Variants in RREB1 observed in about 807,000 individuals in gnomAD.
The protein encoded by RREB1 is ras-responsive element-binding protein 1.
In RREB1, 27 loss-of-function variants were observed where a neutral mutation model predicts 117.8. The observed-to-expected ratio is 0.23, with a 90% CI of 0.17 to 0.32. The LOEUF (loss-of-function observed/expected upper bound fraction) is 0.32. RREB1 is among the 10% of genes least tolerant of loss of function. RREB1 has a pLI of 1.00. For synonymous variants in RREB1, 1,298 were observed against 1,026.7 expected (o/e 1.26, Z -5.05); for missense variants, 2,577 against 2,378.2 (o/e 1.08, Z -1.74).
intron 1 of RREB1, among the ~76,000 whole-genome samples, chr6:7,109,315 C>T (rs931576938): frequency 1.3e-5 from 2 of 152,008 alleles, no homozygotes; most frequent in African/African-American, 4.8e-5. Context: ...CCTCCCCGCT[C>T]GCGGTCTCTT....
chr6:7,202,254 G>A (rs1227651686), intron 6 of RREB1, among the ~76,000 whole-genome samples: 1 of 152,160 alleles, frequency 6.6e-6, no homozygotes, highest in South Asian at 2.1e-4. Flanking sequence ...TGCATTTCTT[G>A]TTCCTCTTTT....
At chr6:7,239,351 C>A (rs1172974663) in intron 10 of RREB1, among the ~76,000 whole-genome samples, 1 of 152,228 alleles carries the variant, frequency 6.6e-6, no homozygotes, top group Non-Finnish European at 1.5e-5. Flanking sequence ...CAGTGATACA[C>A]AAGTGATGCA....
At chr6:7,216,956 C>A in intron 8 of RREB1, 1 of 152,520 alleles carries the variant, frequency 6.6e-6, no homozygotes, top group Non-Finnish European at 1.5e-5. Context: ...GTCCCTCAGA[C>A]TCTGCCCAGT....
At chr6:7,109,660 C>T (rs1011487795) in intron 1 of RREB1, among the ~76,000 whole-genome samples, 1 of 152,238 alleles carries the variant, frequency 6.6e-6, no homozygotes, top group Non-Finnish European at 1.5e-5. Context: ...TTTCTCCTTG[C>T]TCAGCAGATT....
chr6:7,185,267 C>T (rs982672980), intron 4 of RREB1: 3 of 152,128 alleles, frequency 2.0e-5, no homozygotes, highest in African/African-American at 7.2e-5. Flanking sequence ...GACCCAATTC[C>T]ATAGATTAGA....
At chr6:7,158,153 C>A (rs1336763141) in intron 1 of RREB1, among the ~76,000 whole-genome samples, 1 of 152,134 alleles carries the variant, frequency 6.6e-6, no homozygotes, top group Non-Finnish European at 1.5e-5. Context: ...CCTAACCCCC[C>A]TAACAATCTA....
intron 1 of RREB1, among the ~76,000 whole-genome samples, chr6:7,120,675 ATTT>A (rs5874078): frequency 6.9e-6 from 1 of 145,630 alleles, no homozygotes; most frequent in Non-Finnish European, 1.5e-5. Context: ...ATGTACACCT[ATTT>A]TTTTTTTTTT....
At chr6:7,148,677 G>C (rs1000893790) in intron 1 of RREB1, among the ~76,000 whole-genome samples, 3 of 152,008 alleles carry the variant, frequency 2.0e-5, no homozygotes, top group Non-Finnish European at 4.4e-5. Flanking sequence ...AAGGAAACAG[G>C]GAAGTTTGAA....
At chr6:7,188,510 C>CT (rs200409192) in intron 5 of RREB1, among the ~76,000 whole-genome samples, 203 of 152,086 alleles carry the variant, frequency 1.3e-3, no homozygotes, top group African/African-American at 4.4e-3. Flanking sequence ...AGCTTGGGGT[C>CT]TTTTTTTGCT....
rs1171683988 is a variant in RREB1 at position 7,230,376 on chromosome 6, C to T, written c.2277C>T (p.Gly759=). Residue 759 remains glycine, a synonymous_variant, in exon 10 of 13, where the codon GGC becomes GGT. Transcript: ENST00000379938. ...CAPDTVCRLC[G]EDLKHYRALR... Reference sequence around the variant, plus strand: ...CGGACACCGTGTGCCGGCTGTGCGGCGAGGACCTCAAGCACTATCGTGCCC... The same window carrying T: ...CGGACACCGTGTGCCGGCTGTGCGGTGAGGACCTCAAGCACTATCGTGCCC... 27 of 1,592,252 alleles carry T rather than the reference C, an allele frequency of 1.7e-5. No homozygotes were observed. The highest frequency in any genetic ancestry group is 2.0e-5 in the Non-Finnish European group (23 of 1,174,252).
chr6:7,141,351 C>T (rs931612179), intron 1 of RREB1, among the ~76,000 whole-genome samples: 40 of 152,336 alleles, frequency 2.6e-4, no homozygotes, highest in South Asian at 1.9e-3. Flanking sequence ...CCGCTGGGGA[C>T]ACAACCTAAT....
In RREB1 at chr6:7,249,941, C is replaced by G. The variant is rs1490672287; in HGVS notation, c.*973C>G. 6.6e-6 allele frequency: 1 copy of G among 152,590 alleles called. No homozygotes were observed. The highest frequency in any genetic ancestry group is 1.5e-5 in the Non-Finnish European group (1 of 68,030). 9.5% of individuals were successfully genotyped at this position (152,590 alleles called of 1,614,324 possible). A position where few individuals can be genotyped will look rare whatever the true frequency, so the allele number is the denominator to read the frequency against. ...AACGTGTGCCTGCGGTTGTGGTTGGCACCCTCGGGTGGTAGCTCTTCTACT... is the reference window on the plus strand; with the variant it reads ...AACGTGTGCCTGCGGTTGTGGTTGGGACCCTCGGGTGGTAGCTCTTCTACT... On this transcript the variant is annotated 3_prime_UTR_variant, in exon 13 of 13. Coordinates refer to ENST00000379938, the MANE Select transcript of RREB1 (RefSeq NM_001003699.4).
chr6:7,238,989 C>T (rs936618308), intron 10 of RREB1, among the ~76,000 whole-genome samples: 2 of 152,230 alleles, frequency 1.3e-5, no homozygotes, highest in Admixed American at 6.5e-5. Flanking sequence ...CCCCTGGAGT[C>T]GTGTGACACA....
chr6:7,155,121 C>T (rs773091362), intron 1 of RREB1, among the ~76,000 whole-genome samples: 3 of 152,098 alleles, frequency 2.0e-5, no homozygotes, highest in Non-Finnish European at 4.4e-5. Flanking sequence ...TTCAGTTAAC[C>T]TATGTGTAAT....
At chr6:7,181,650 C>T (rs1764800210) in intron 3 of RREB1, 2 of 602,430 alleles carry the variant, frequency 3.3e-6, no homozygotes, top group African/African-American at 1.9e-5. Context: ...GTAGTGCACA[C>T]TCAGAAAGGA....
chr6:7,229,458 C>T lies in RREB1; in HGVS notation c.1359C>T (p.Ser453=), dbSNP rs538242315. ...QKGFIIQPDS[S]IVVKPISGES... Reference sequence around the variant, plus strand: ...GCTTCATCATCCAGCCTGACAGCAGCATTGTGGTCAAGCCCATCTCTGGCG... The same window carrying T: ...GCTTCATCATCCAGCCTGACAGCAGTATTGTGGTCAAGCCCATCTCTGGCG... The change falls in exon 10 of 13, where the codon AGC becomes AGT. Residue 453 remains serine (S), a synonymous_variant. Transcript: ENST00000379938. This position sits in a 1 kb window ranked among gnomAD's most constrained non-coding sequence, Gnocchi z 4.5. 11 of 1,614,192 alleles carry T rather than the reference C, an allele frequency of 6.8e-6. No individual in the cohort carries two copies. The Admixed American group carries it at 1.5e-4, about 22-fold the overall frequency.
rs1214046938 is a variant in RREB1 at position 7,231,706 on chromosome 6, A to G, written c.3607A>G (p.Asn1203Asp). Residue 1203 changes from asparagine (N) to aspartate (D), a missense_variant, in exon 10 of 13, where the codon AAC becomes GAC. By Grantham distance (23) the Asn-to-Asp change is conservative. Coordinates refer to ENST00000379938, the MANE Select transcript of RREB1 (RefSeq NM_001003699.4). Reference sequence around the variant, plus strand: ...TCCGTTTCTGCAGACAGCGGAGGACAACACTCAGGATGAGGTGGCCGGAGC... The same window carrying G: ...TCCGTTTCTGCAGACAGCGGAGGACGACACTCAGGATGAGGTGGCCGGAGC... ...FSPFLQTAED[N>D]TQDEVAGAPA... 1.2e-6 allele frequency: 2 copies of G among 1,613,528 alleles called. No homozygotes were observed. Among genetic ancestry groups the G allele is most frequent in the South Asian group, 2.2e-5 (2 of 91,074 alleles).
chr6:7,112,340 A>G (rs1394110465), intron 1 of RREB1, among the ~76,000 whole-genome samples: 1 of 152,134 alleles, frequency 6.6e-6, no homozygotes, highest in Non-Finnish European at 1.5e-5. Flanking sequence ...GTTGTAAGCC[A>G]AAAGTTTCCC....
intron 6 of RREB1, among the ~76,000 whole-genome samples, chr6:7,191,206 C>G (rs144212165): frequency 6.6e-6 from 1 of 151,626 alleles, no homozygotes; most frequent in Non-Finnish European, 1.5e-5. Flanking sequence ...GAACACATGT[C>G]TGTATTCACT....
Sources: gnomAD v4.1 joint callset for allele counts (sites outside exome capture counted in the v4.1 genomes callset) on GRCh38, gnomAD v4.1.1 for gene constraint, Gnocchi (gnomAD v3.1) non-coding constraint, MANE v1.5 for transcripts, NCBI Gene and HGNC (gene_info 2026-07-23, HGNC 2026-07-21) for gene names.